MYBPC1: variants seen among roughly 807,000 people sequenced by gnomAD.
MYBPC1 encodes the protein myosin-binding protein C, slow-type.
Under a neutral mutation model 147.1 loss-of-function variants are expected in MYBPC1, and 52 were observed. That is an observed-to-expected ratio of 0.35 (90% CI 0.28 to 0.45). MYBPC1 has a LOEUF of 0.45. Among genes scored for constraint, MYBPC1 ranks in the 20% least tolerant of loss-of-function variants. The pLI is 1.00. For synonymous variants in MYBPC1, 477 were observed against 475.9 expected, an observed-to-expected ratio of 1.00 and a Z score of -0.03; for missense variants, 1,228 against 1,440.3, an observed-to-expected ratio of 0.85 and a Z score of 2.39.
chr12:101,616,435 C>A (rs825085), intron 2 of MYBPC1, among the ~76,000 whole-genome samples: 15,047 of 152,202 alleles, frequency 0.099, 1,046 homozygotes, highest in Middle Eastern at 0.26. Flanking sequence ...ATATTGACTT[C>A]CTGTTGCTCA....
the MYBPC1 span, among the ~76,000 whole-genome samples, chr12:101,695,363 G>A: frequency 2.0e-5 from 3 of 152,208 alleles, no homozygotes; most frequent in African/African-American, 4.8e-5. Flanking sequence ...AGTCCTGAGT[G>A]GAGAAGAGTG....
At chr12:101,614,292 G>T (rs1844420428) in intron 1 of MYBPC1, among the ~76,000 whole-genome samples, 1 of 151,986 alleles carries the variant, frequency 6.6e-6, no homozygotes. Flanking sequence ...TATGTCTTGG[G>T]CCTCTTGATG....
Position 101,652,798 on chromosome 12 carries a change from A to G in MYBPC1, c.1633+14A>G. ...TTCATGTTATTGGTGAGTAGATAAA[A>G]TAATTCATTGCATAGTTGTGTTCTT... On this transcript the variant is annotated intron_variant, in intron 17 of 31. Transcript: ENST00000361466. The G allele has an allele frequency of 6.3e-7, 1 of 1,586,958 alleles. No individual in the cohort carries two copies. The highest frequency in any genetic ancestry group is 2.2e-5 in the East Asian group (1 of 44,702).
chr12:101,634,992 C>G (rs542704799), intron 9 of MYBPC1, among the ~76,000 whole-genome samples: 3 of 152,256 alleles, frequency 2.0e-5, no homozygotes, highest in African/African-American at 7.2e-5. Context: ...TTTATATTGC[C>G]TTTCATCTAG....
At chr12:101,679,499 G>A (rs373033391) in intron 28 of MYBPC1, among the ~76,000 whole-genome samples, 8 of 152,298 alleles carry the variant, frequency 5.3e-5, no homozygotes, top group African/African-American at 1.4e-4. Context: ...AGAAGAGGTG[G>A]AAGAGAGAAT....
intron 24 of MYBPC1, among the ~76,000 whole-genome samples, chr12:101,671,749 G>A (rs1344830030): frequency 1.3e-5 from 2 of 152,162 alleles, no homozygotes; most frequent in Non-Finnish European, 2.9e-5. Flanking sequence ...GGGTCTGCGT[G>A]TTCAGCTTCT....
intron 11 of MYBPC1, among the ~76,000 whole-genome samples, chr12:101,643,802 C>T (rs1435094852): frequency 1.3e-5 from 2 of 151,880 alleles, no homozygotes; most frequent in Non-Finnish European, 2.9e-5. Flanking sequence ...AATTCCTAAA[C>T]GTATGTGCAA....
At chr12:101,610,930 CAA>C (rs893519743) in intron 1 of MYBPC1, among the ~76,000 whole-genome samples, 6 of 152,224 alleles carry the variant, frequency 3.9e-5, no homozygotes, top group African/African-American at 1.4e-4. Context: ...TGTGGGATCT[CAA>C]AGAGTCTCAG....
intron 1 of MYBPC1, among the ~76,000 whole-genome samples, chr12:101,602,781 G>A (rs755037389): frequency 7.2e-5 from 11 of 152,022 alleles, no homozygotes; most frequent in Non-Finnish European, 1.6e-4. Context: ...TTTTACTTGT[G>A]GTGATACATC....
chr12:101,676,208 G>A (rs969690536), intron 26 of MYBPC1, among the ~76,000 whole-genome samples: 1 of 152,164 alleles, frequency 6.6e-6, no homozygotes. Context: ...TGTTTAAAAA[G>A]CAACCTAGTT....
intron 1 of MYBPC1, among the ~76,000 whole-genome samples, chr12:101,608,708 C>T (rs147111256): frequency 2.6e-5 from 4 of 152,228 alleles, no homozygotes; most frequent in East Asian, 3.9e-4. Flanking sequence ...TGGGGAGCCC[C>T]GATTTTAAAA....
In MYBPC1 at chr12:101,679,097, T is replaced by TGA. The variant is rs544647766; in HGVS notation, c.3246+862_3246+863dup. On this transcript the variant is annotated intron_variant, in intron 28 of 31. Coordinates refer to ENST00000361466, the MANE Select transcript of MYBPC1 (RefSeq NM_002465.4). Reference sequence around the variant, plus strand: ...CTGGGAGGTGGAGGTTGCAGTGAGCTGAGATAGCACCACTGCACTCTAGTC... The same window carrying TGA: ...CTGGGAGGTGGAGGTTGCAGTGAGCTGAGAGATAGCACCACTGCACTCTAGTC... 8.2e-4 allele frequency among the ~76,000 whole-genome samples: 121 copies of TGA among 147,164 alleles called. No individual in the cohort carries two copies. The East Asian group carries it at 0.021, about 25-fold the overall frequency.
chr12:101,597,042 A>G (rs748957633), intron 1 of MYBPC1, among the ~76,000 whole-genome samples: 1 of 152,234 alleles, frequency 6.6e-6, no homozygotes, highest in Non-Finnish European at 1.5e-5. Context: ...AAGGAACTGT[A>G]CCTTGAAAAG....
chr12:101,670,099 T>C, intron 23 of MYBPC1: 1 of 599,768 alleles, frequency 1.7e-6, no homozygotes, highest in Non-Finnish European at 3.0e-6. Context: ...TGAGTCAAAC[T>C]GTTAAAACAT....
intron 3 of MYBPC1, among the ~76,000 whole-genome samples, chr12:101,620,411 G>A (rs1220401167): frequency 5.3e-5 from 8 of 152,176 alleles, no homozygotes; most frequent in Non-Finnish European, 1.0e-4. Flanking sequence ...GCTGAGTGTT[G>A]GCTACATGCC....
Position 101,629,527 on chromosome 12 carries a change from G to A in MYBPC1, c.272G>A (p.Gly91Glu). The A allele has an allele frequency of 1.9e-5, 30 of 1,612,992 alleles. No individual in the cohort carries two copies. The highest frequency in any genetic ancestry group is 2.5e-5 in the Non-Finnish European group (30 of 1,179,064). Residue 91 changes from glycine (G) to glutamate (E), a missense_variant, in exon 6 of 32, where the codon GGA becomes GAA. By Grantham distance (98) the Gly-to-Glu change is moderately conservative. Coordinates refer to ENST00000361466, the MANE Select transcript of MYBPC1 (RefSeq NM_002465.4). Reference sequence around the variant, plus strand: ...ATCTTGTTCATTGAAAAACCTCAAGGAGGAACAGTGAAAGTTGGTGAGTGC... The same window carrying A: ...ATCTTGTTCATTGAAAAACCTCAAGAAGGAACAGTGAAAGTTGGTGAGTGC... ...LSILFIEKPQ[G>E]GTVKVGEDIT...
intron 10 of MYBPC1, 34 bp downstream of exon 10, chr12:101,636,762 C>T: frequency 6.3e-7 from 1 of 1,585,438 alleles, no homozygotes; most frequent in Non-Finnish European, 8.7e-7. Context: ...GACATTGTGG[C>T]CTGGAAGTCT....
chr12:101,689,028 G>A (rs1951385774), downstream of MYBPC1, among the ~76,000 whole-genome samples: 2 of 151,284 alleles, frequency 1.3e-5, no homozygotes, highest in East Asian at 1.9e-4. Context: ...TATAAGACTA[G>A]TATACAGAGG....
chr12:101,604,806 A>G (rs553060034), intron 1 of MYBPC1, among the ~76,000 whole-genome samples: 1 of 152,276 alleles, frequency 6.6e-6, no homozygotes, highest in African/African-American at 2.4e-5. Flanking sequence ...CTTGTCAGTC[A>G]GCATATGAAA....
Sources: allele counts gnomAD v4.1 joint callset (sites outside exome capture counted in the v4.1 genomes callset), GRCh38; gene constraint gnomAD v4.1.1; transcripts MANE v1.5; gene names NCBI Gene and HGNC (gene_info 2026-07-23, HGNC 2026-07-21).